The following ZNF385D variants were observed in gnomAD, a reference collection of about 807,000 sequenced individuals.
The protein encoded by ZNF385D is zinc finger protein 659.
Under a neutral mutation model 35.8 loss-of-function variants are expected in ZNF385D, and 15 were observed. The ratio of observed to expected loss-of-function variants is 0.42; its 90% CI spans 0.28 to 0.64. The LOEUF (loss-of-function observed/expected upper bound fraction) is 0.64. ZNF385D is among the 30% of genes least tolerant of loss of function. The probability of loss-of-function intolerance (pLI) is 0.23; values close to 1 mark genes in which losing one functional copy is unlikely to be tolerated. For missense variants in ZNF385D, 474 were observed against 494.6 expected (o/e 0.96, Z 0.39); for synonymous variants, 212 against 186.8 (o/e 1.13, Z -1.10).
intron 3 of ZNF385D, among the ~76,000 whole-genome samples, chr3:21,773,904 C>T (rs1175957609): frequency 6.6e-6 from 1 of 151,988 alleles, no homozygotes; most frequent in African/African-American, 2.4e-5. Flanking sequence ...TTTGACCCAG[C>T]AATCACATTA....
At chr3:22,037,976 G>T (rs976158911) in intron 3 of ZNF385D, among the ~76,000 whole-genome samples, 1 of 152,070 alleles carries the variant, frequency 6.6e-6, no homozygotes, top group African/African-American at 2.4e-5. Flanking sequence ...AAGAAATGGG[G>T]AAAGGATTCC....
At chr3:21,752,723 G>C (rs549229544), upstream of ZNF385D, among the ~76,000 whole-genome samples, 2 of 152,264 alleles carry the variant, frequency 1.3e-5, no homozygotes, top group South Asian at 4.1e-4. Flanking sequence ...AAAGCCACCA[G>C]AGGAAAATTT....
intron 2 of ZNF385D, among the ~76,000 whole-genome samples, chr3:21,647,386 C>T (rs530473665): frequency 2.0e-5 from 3 of 150,706 alleles, no homozygotes; most frequent in East Asian, 2.0e-4. Context: ...TCCTTTCTAC[C>T]GTTCTTCCTT....
At chr3:21,556,043 A>C (rs903762581) in intron 3 of ZNF385D, among the ~76,000 whole-genome samples, 1 of 130,514 alleles carries the variant, frequency 7.7e-6, no homozygotes, top group African/African-American at 2.8e-5. Context: ...TCCTTTGCCC[A>C]CTTTTTGACG....
rs75219045 is a variant in ZNF385D at position 22,353,058 on chromosome 3, A to T, written c.106+19392T>A. Reference sequence around the variant, plus strand: ...GATAAGGTAAGAAGGAAGAGGAGGAAAAAAGATGTTGAGTTCTCTGCATAG... The same window carrying T: ...GATAAGGTAAGAAGGAAGAGGAGGATAAAAGATGTTGAGTTCTCTGCATAG... On this transcript the variant is annotated intron_variant, in intron 2 of 5. Transcript: ENST00000494108. Among the ~76,000 whole-genome samples the T allele has an allele frequency of 1.2e-3, 179 of 152,284 alleles. 1 individual carries two copies. The highest frequency in any genetic ancestry group is 4.2e-3 in the African/African-American group (174 of 41,550).
intron 3 of ZNF385D, among the ~76,000 whole-genome samples, chr3:22,004,232 G>A (rs576119552): frequency 6.6e-6 from 1 of 152,104 alleles, no homozygotes; most frequent in African/African-American, 2.4e-5. Context: ...TACTGGGAAA[G>A]CTGGACATCC....
intron 3 of ZNF385D, among the ~76,000 whole-genome samples, chr3:22,167,866 C>A (rs6550667): frequency 6.6e-6 from 1 of 152,076 alleles, no homozygotes; most frequent in Non-Finnish European, 1.5e-5. Context: ...ATAAAAAATC[C>A]TTTCCAATAG....
chr3:21,733,689 C>T (rs2069117624), intron 1 of ZNF385D, among the ~76,000 whole-genome samples: 1 of 151,908 alleles, frequency 6.6e-6, no homozygotes, highest in Non-Finnish European at 1.5e-5. Context: ...ATTTATTCAC[C>T]CTTGCTTTCT....
At chr3:21,494,843 A>G (rs1705705101) in intron 4 of ZNF385D, among the ~76,000 whole-genome samples, 1 of 152,176 alleles carries the variant, frequency 6.6e-6, no homozygotes, top group African/African-American at 2.4e-5. Flanking sequence ...ACATTTCATC[A>G]AAGGATTTAT....
chr3:22,276,507 C>A (rs535969578), intron 2 of ZNF385D, among the ~76,000 whole-genome samples: 3 of 152,308 alleles, frequency 2.0e-5, no homozygotes, highest in South Asian at 4.1e-4. Context: ...TCAAGCAATG[C>A]ACCTAAAGGT....
intron 2 of ZNF385D, among the ~76,000 whole-genome samples, chr3:22,338,698 ATTTT>A (rs562729331): frequency 6.4e-5 from 8 of 125,428 alleles, no homozygotes; most frequent in East Asian, 2.3e-4. Flanking sequence ...TATTCATCTC[ATTTT>A]TTTTTTTTTT....
At chr3:21,691,301 G>T (rs1176560613) in intron 1 of ZNF385D, among the ~76,000 whole-genome samples, 1 of 152,180 alleles carries the variant, frequency 6.6e-6, no homozygotes, top group African/African-American at 2.4e-5. Flanking sequence ...AACCTTAGCT[G>T]CTTCCTCTCT....
At chr3:21,711,039 G>GTTATTTTTT (rs2068082583) in intron 1 of ZNF385D, among the ~76,000 whole-genome samples, 1 of 83,154 alleles carries the variant, frequency 1.2e-5, no homozygotes, top group Non-Finnish European at 2.1e-5. Context: ...CCCTCTAAAA[G>GTTATTTTTT]TTTTTTTTTT....
chr3:21,755,191 T>C (rs1476992687), upstream of ZNF385D, among the ~76,000 whole-genome samples: 1 of 152,230 alleles, frequency 6.6e-6, no homozygotes, highest in Non-Finnish European at 1.5e-5. Flanking sequence ...AGTCCACCTT[T>C]ATCTTTTATC....
chr3:21,516,038 T>C (rs1157147481), intron 3 of ZNF385D, among the ~76,000 whole-genome samples: 1 of 152,152 alleles, frequency 6.6e-6, no homozygotes, highest in South Asian at 2.1e-4. Flanking sequence ...ATTCCACAGG[T>C]CCTGTGGTCC....
chr3:21,757,116 T>G (rs2070372002), intron 3 of ZNF385D, among the ~76,000 whole-genome samples: 1 of 112,200 alleles, frequency 8.9e-6, no homozygotes, highest in African/African-American at 3.3e-5. Context: ...TATGATAAAT[T>G]TCTCTTTTTT....
At chr3:22,116,467 T>C (rs1047680359) in intron 3 of ZNF385D, among the ~76,000 whole-genome samples, 1 of 151,970 alleles carries the variant, frequency 6.6e-6, no homozygotes, top group Non-Finnish European at 1.5e-5. Flanking sequence ...AAGAAGGAAT[T>C]TAAGGCATCC....
intron 3 of ZNF385D, among the ~76,000 whole-genome samples, chr3:22,004,533 C>T (rs536414329): frequency 6.6e-6 from 1 of 152,172 alleles, no homozygotes; most frequent in African/African-American, 2.4e-5. Flanking sequence ...AATTATTCAT[C>T]TGACAAAAGG....
At chr3:21,667,651 A>G (rs1233718315) in intron 1 of ZNF385D, among the ~76,000 whole-genome samples, 1 of 152,212 alleles carries the variant, frequency 6.6e-6, no homozygotes, top group Admixed American at 6.5e-5. Context: ...CATGCTTATA[A>G]TTACAAGAAT....
Sources: allele counts gnomAD v4.1 joint callset (sites outside exome capture counted in the v4.1 genomes callset), GRCh38; gene constraint gnomAD v4.1.1; transcripts MANE v1.5; gene names NCBI Gene and HGNC (gene_info 2026-07-23, HGNC 2026-07-21).